The following ITPK1 variants were observed in gnomAD, a reference collection of about 807,000 sequenced individuals.
ITPK1 encodes inositol-tetrakisphosphate 1-kinase.
ITPK1 carries 21 observed loss-of-function variants against 45.3 expected under a neutral mutation model. The ratio of observed to expected loss-of-function variants is 0.46; its 90% confidence interval spans 0.33 to 0.67. The LOEUF (loss-of-function observed/expected upper bound fraction) is 0.67, where lower values mean the gene tolerates loss of function less well. Among genes scored for constraint, ITPK1 ranks in the 30% least tolerant of loss-of-function variants. ITPK1 has a pLI of 0.02. For missense variants in ITPK1, 474 were observed against 573.5 expected, an observed-to-expected ratio of 0.83 and a Z score of 1.77; for synonymous variants, 258 against 253.6, an observed-to-expected ratio of 1.02 and a Z score of -0.16.
rs567571757 is a variant in ITPK1 at position 93,076,894 on chromosome 14, G to A, written c.96-275C>T. 3.3e-5 allele frequency among the ~76,000 whole-genome samples: 5 copies of A among 152,212 alleles called. No individual in the cohort carries two copies. Among genetic ancestry groups the A allele is most frequent in the South Asian group, 2.1e-4 (1 of 4,822 alleles). ...AGCCACCTCCCTCCACTCCTGGGCC[G>A]GGCCTCTGTCAGCCGAGCTCCAGCC... On this transcript the variant is annotated intron_variant, in intron 2 of 10. Transcript: ENST00000267615. This position sits in a 1 kb window ranked among gnomAD's most constrained non-coding sequence, Gnocchi z 4.3.
intron 3 of ITPK1, among the ~76,000 whole-genome samples, chr14:93,062,395 A>G (rs113266575): frequency 5.9e-4 from 89 of 152,020 alleles, no homozygotes; most frequent in African/African-American, 2.0e-3. Flanking sequence ...GCACCACTAC[A>G]CTCCAGCCTG....
chr14:92,995,116 G>A (rs999727310), intron 4 of ITPK1, among the ~76,000 whole-genome samples: 6 of 152,316 alleles, frequency 3.9e-5, no homozygotes, highest in South Asian at 4.1e-4. Context: ...CAGGGCCTCC[G>A]GAGGGAGCCA....
At chr14:93,031,884 A>G (rs1889079344) in intron 3 of ITPK1, among the ~76,000 whole-genome samples, 1 of 152,232 alleles carries the variant, frequency 6.6e-6, no homozygotes, top group South Asian at 2.1e-4. Context: ...AGTCAAAAAA[A>G]TTTTCTATGC....
In ITPK1 at chr14:93,025,237, C is replaced by G. The variant is rs1888679802; in HGVS notation, c.121-8436G>C. Among the ~76,000 whole-genome samples, 3 of 152,104 alleles carry G rather than the reference C, an allele frequency of 2.0e-5. No individual in the cohort carries two copies. In the South Asian group the frequency reaches 6.2e-4, roughly 32 times the overall value. On this transcript the variant is annotated intron_variant, in intron 3 of 10. Transcript: ENST00000267615. ...AGATGAAGGGCCTGGCACTGGCACC[C>G]CAACCCGGAAATCAAGAGCAGGAAT...
intron 4 of ITPK1, among the ~76,000 whole-genome samples, chr14:93,003,783 G>A (rs1252833037): frequency 2.0e-5 from 3 of 152,190 alleles, no homozygotes; most frequent in African/African-American, 4.8e-5. Context: ...TAACCCGAGC[G>A]CGTGGGTCCT....
chr14:93,064,466 TC>T lies in ITPK1; in HGVS notation c.120+12128del, dbSNP rs1448215517. Reference sequence around the variant, plus strand: ...CAGAGAATCCAGGAGCTCTAAATGTTCCCCCAGGACACCTGATCAAAGCCCC... The same window carrying T: ...CAGAGAATCCAGGAGCTCTAAATGTTCCCCAGGACACCTGATCAAAGCCCC... On this transcript the variant is annotated intron_variant, in intron 3 of 10. Coordinates refer to ENST00000267615, the MANE Select transcript of ITPK1 (RefSeq NM_014216.6). Among the ~76,000 whole-genome samples, 3 of 151,858 alleles carry T rather than the reference TC, an allele frequency of 2.0e-5. No individual in the cohort carries two copies. The East Asian group carries it at 5.9e-4, about 30-fold the overall frequency.
At chr14:92,951,307 A>G (rs1176843044) in intron 9 of ITPK1, among the ~76,000 whole-genome samples, 1 of 152,220 alleles carries the variant, frequency 6.6e-6, no homozygotes, top group Non-Finnish European at 1.5e-5. Flanking sequence ...AATTCCTGGA[A>G]GATCCAACTT....
chr14:93,090,363 G>A (rs1241160864), intron 2 of ITPK1, among the ~76,000 whole-genome samples: 1 of 152,208 alleles, frequency 6.6e-6, no homozygotes, highest in African/African-American at 2.4e-5. Flanking sequence ...CCAAGAGGAA[G>A]GACACAGAGG....
intron 2 of ITPK1, among the ~76,000 whole-genome samples, chr14:93,091,614 G>A (rs1186775275): frequency 6.6e-6 from 1 of 152,206 alleles, no homozygotes; most frequent in East Asian, 1.9e-4. Context: ...CTGGAAAATA[G>A]CACGGTGGCT....
At chr14:93,115,048 C>G (rs1435059038) in intron 2 of ITPK1, 21 bp downstream of exon 2, 1 of 1,539,468 alleles carries the variant, frequency 6.5e-7, no homozygotes. Flanking sequence ...CCCCGGGCGC[C>G]GGCGCCGCGT....
intron 3 of ITPK1, among the ~76,000 whole-genome samples, chr14:93,037,465 G>T (rs377147342): frequency 6.6e-6 from 1 of 152,230 alleles, no homozygotes; most frequent in South Asian, 2.1e-4. Flanking sequence ...GGCTGAAGGC[G>T]CAGGTAAGCT....
At chr14:93,114,322 G>A (rs1248500567) in intron 2 of ITPK1, among the ~76,000 whole-genome samples, 2 of 152,224 alleles carry the variant, frequency 1.3e-5, no homozygotes, top group Non-Finnish European at 2.9e-5. Flanking sequence ...CAGCATGGTG[G>A]GAGCAGGGGC....
At chr14:93,082,071 G>A (rs968540180) in intron 2 of ITPK1, among the ~76,000 whole-genome samples, 8 of 152,086 alleles carry the variant, frequency 5.3e-5, no homozygotes, top group Non-Finnish European at 2.9e-5. Context: ...CCACAAGAGC[G>A]ACTCCATGTG....
intron 3 of ITPK1, among the ~76,000 whole-genome samples, chr14:93,056,881 C>T (rs1890234677): frequency 6.6e-6 from 1 of 152,216 alleles, no homozygotes. Flanking sequence ...ATTTGCCCCA[C>T]TTAAAGTTAA....
chr14:93,103,334 G>A (rs8013102), intron 2 of ITPK1, among the ~76,000 whole-genome samples: 40,401 of 151,400 alleles, frequency 0.27, 6,212 homozygotes, highest in African/African-American at 0.44. Flanking sequence ...CAGGAGAATC[G>A]CTTGAACCCG....
At chr14:92,944,598 CTCT>C (rs1458500703) in intron 10 of ITPK1, among the ~76,000 whole-genome samples, 1 of 152,204 alleles carries the variant, frequency 6.6e-6, no homozygotes, top group East Asian at 1.9e-4. Context: ...TCCAGAACTT[CTCT>C]TCTAACAGGC....
chr14:93,075,142 C>T (rs970487336), intron 3 of ITPK1, among the ~76,000 whole-genome samples: 1 of 151,854 alleles, frequency 6.6e-6, no homozygotes, highest in Non-Finnish European at 1.5e-5. Context: ...GCCTGAGGAA[C>T]ATGGTGAAAC....
chr14:93,007,006 T>A (rs935242577), intron 4 of ITPK1, among the ~76,000 whole-genome samples: 12 of 152,196 alleles, frequency 7.9e-5, no homozygotes, highest in Admixed American at 4.6e-4. Flanking sequence ...AGTCAGGTCC[T>A]CTAGGCGACC....
chr14:93,092,073 GA>G (rs1891886943), intron 2 of ITPK1, among the ~76,000 whole-genome samples: 1 of 152,164 alleles, frequency 6.6e-6, no homozygotes, highest in Admixed American at 6.5e-5. Flanking sequence ...GAGAGCCCAA[GA>G]ACCCTTTTAT....
Sources: gnomAD v4.1 joint callset for allele counts (sites outside exome capture counted in the v4.1 genomes callset) on GRCh38, gnomAD v4.1.1 for gene constraint, Gnocchi (gnomAD v3.1) non-coding constraint, MANE v1.5 for transcripts, NCBI Gene and HGNC (gene_info 2026-07-23, HGNC 2026-07-21) for gene names.